Variants in SPAG16 observed in about 807,000 individuals in gnomAD.
The protein encoded by SPAG16 is sperm associated antigen 16.
In SPAG16, 86 loss-of-function variants were observed where a neutral mutation model predicts 80.4. That is an observed-to-expected ratio of 1.07 (90% CI 0.90 to 1.28). The LOEUF is 1.28. Ranked by LOEUF, SPAG16 falls within the 50% of genes most tolerant of loss-of-function variation. The pLI is 0.00. For synonymous variants in SPAG16, 294 were observed against 265.9 expected, an observed-to-expected ratio of 1.11 and a Z score of -1.03; for missense variants, 870 against 765.3, an observed-to-expected ratio of 1.14 and a Z score of -1.61.
In SPAG16 at chr2:213,284,675, C is replaced by T. The variant is rs756012747; in HGVS notation, c.136+56C>T. Reference sequence around the variant, plus strand: ...CGCTGGCGGGTAATGGGTGTTGGGACGAAGGCGAGGGCCTCCCACTGGCGG... The same window carrying T: ...CGCTGGCGGGTAATGGGTGTTGGGATGAAGGCGAGGGCCTCCCACTGGCGG... On this transcript the variant is annotated intron_variant, in intron 1 of 15. Coordinates refer to ENST00000331683, the MANE Select transcript of SPAG16 (RefSeq NM_024532.5). 2.6e-6 allele frequency: 4 copies of T among 1,554,792 alleles called. No homozygotes were observed. The South Asian group carries it at 4.7e-5, about 18-fold the overall frequency.
chr2:214,307,115 A>G, intron 15 of SPAG16, among the ~76,000 whole-genome samples: 1 of 152,014 alleles, frequency 6.6e-6, no homozygotes, highest in East Asian at 1.9e-4. Context: ...AGTCTCGGGA[A>G]GAGGTATATG....
rs116954749 is a variant in SPAG16, at chr2:213,357,553, G to A, written c.763-6523G>A. Among the ~76,000 whole-genome samples, 69 of 152,048 alleles carry A rather than the reference G, an allele frequency of 4.5e-4. No individual in the cohort carries two copies. The East Asian group carries it at 0.01, about 23-fold the overall frequency. On this transcript the variant is annotated intron_variant, in intron 7 of 15. Transcript: ENST00000331683. Reference sequence around the variant, plus strand: ...TTTGATATTTGTTGGTTTTAAAGTCGTTTTATCAGAGACTAGGATTGCAAC... The same window carrying A: ...TTTGATATTTGTTGGTTTTAAAGTCATTTTATCAGAGACTAGGATTGCAAC...
At chr2:213,408,605 A>G (rs541876527) in intron 9 of SPAG16, among the ~76,000 whole-genome samples, 1 of 152,224 alleles carries the variant, frequency 6.6e-6, no homozygotes, top group East Asian at 1.9e-4. Context: ...TACCGTACAA[A>G]GGTCCGACCA....
At position 213,701,961 on chromosome 2, in the gene SPAG16, G is replaced by A. The variant is rs192516062; in HGVS notation, c.1071-160524G>A. On this transcript the variant is annotated intron_variant, in intron 10 of 15. Coordinates refer to ENST00000331683, the MANE Select transcript of SPAG16 (RefSeq NM_024532.5). ...TCTAGTGGGGACTTGGAGAACTTTT[G>A]TGTCTAGCTAAAGGATTATAAATGC... 3.4e-3 allele frequency among the ~76,000 whole-genome samples: 515 copies of A among 151,812 alleles called. 3 individuals carry two copies. Among genetic ancestry groups the A allele is most frequent in the Non-Finnish European group, 5.5e-3 (375 of 67,940 alleles).
At chr2:213,673,482 C>T (rs1216091021) in intron 10 of SPAG16, among the ~76,000 whole-genome samples, 1 of 152,096 alleles carries the variant, frequency 6.6e-6, no homozygotes, top group Admixed American at 6.6e-5. Context: ...AGACTAGAAG[C>T]AATCATGGCA....
At chr2:213,832,910 G>T (rs2073756734) in intron 10 of SPAG16, among the ~76,000 whole-genome samples, 1 of 151,976 alleles carries the variant, frequency 6.6e-6, no homozygotes, top group African/African-American at 2.4e-5. Context: ...GCGAGGAAAG[G>T]TATCAAACCA....
chr2:213,786,478 T>C (rs1260587538), intron 10 of SPAG16, among the ~76,000 whole-genome samples: 1 of 152,212 alleles, frequency 6.6e-6, no homozygotes. Flanking sequence ...ATACAGAAAC[T>C]GTGAGGTTAA....
intron 10 of SPAG16, among the ~76,000 whole-genome samples, chr2:213,824,273 A>G (rs2073132412): frequency 1.3e-5 from 2 of 152,110 alleles, no homozygotes; most frequent in Admixed American, 1.3e-4. Context: ...CTACAAGGCT[A>G]TGGTACTGGT....
At chr2:213,728,188 T>A (rs545335108) in intron 10 of SPAG16, among the ~76,000 whole-genome samples, 4 of 152,254 alleles carry the variant, frequency 2.6e-5, no homozygotes, top group African/African-American at 9.6e-5. Flanking sequence ...AATGCAATAA[T>A]CATTTTTTCT....
intron 5 of SPAG16, among the ~76,000 whole-genome samples, chr2:213,320,049 T>C (rs912196751): frequency 1.3e-5 from 2 of 152,020 alleles, no homozygotes; most frequent in Non-Finnish European, 2.9e-5. Flanking sequence ...GGAAGCTGCT[T>C]GATCCTTAGT....
intron 10 of SPAG16, among the ~76,000 whole-genome samples, chr2:213,733,520 G>A (rs1232871708): frequency 1.1e-5 from 1 of 93,378 alleles, no homozygotes; most frequent in Admixed American, 1.1e-4. Context: ...TTTTTTTTTT[G>A]GTGTGTGTCT....
At chr2:214,042,386 G>T (rs889763184) in intron 13 of SPAG16, among the ~76,000 whole-genome samples, 1 of 151,646 alleles carries the variant, frequency 6.6e-6, no homozygotes, top group Non-Finnish European at 1.5e-5. Flanking sequence ...AGTTACTTTT[G>T]CCCCAACCCC....
intron 12 of SPAG16, among the ~76,000 whole-genome samples, chr2:213,969,515 C>T (rs115729526): frequency 0.012 from 1,817 of 152,164 alleles, 19 homozygotes; most frequent in Non-Finnish European, 0.02. Context: ...CCTTTATAAA[C>T]GAAGCTTCAC....
chr2:214,352,869 T>C, intron 15 of SPAG16, among the ~76,000 whole-genome samples: 1 of 152,126 alleles, frequency 6.6e-6, no homozygotes, highest in East Asian at 1.9e-4. Context: ...GAACTTGCTT[T>C]CAATTATTTT....
chr2:213,474,204 C>A (rs1204075605), intron 9 of SPAG16, among the ~76,000 whole-genome samples: 1 of 152,320 alleles, frequency 6.6e-6, no homozygotes, highest in African/African-American at 2.4e-5. Flanking sequence ...CCATTCTTTT[C>A]CAATCAATGC....
chr2:214,188,981 C>G (rs553990989), intron 15 of SPAG16, among the ~76,000 whole-genome samples: 59 of 152,208 alleles, frequency 3.9e-4, no homozygotes, highest in African/African-American at 1.4e-3. Context: ...ATAGCAACAT[C>G]TCTTGTCCAG....
chr2:214,049,152 C>A (rs182178904), intron 13 of SPAG16, among the ~76,000 whole-genome samples: 75 of 152,262 alleles, frequency 4.9e-4, no homozygotes, highest in African/African-American at 1.7e-3. Flanking sequence ...CCAGGCTGAT[C>A]TCAAAGAGTT....
intron 15 of SPAG16, among the ~76,000 whole-genome samples, chr2:214,392,128 A>G (rs1701115191): frequency 6.6e-6 from 1 of 152,122 alleles, no homozygotes; most frequent in Admixed American, 6.5e-5. Context: ...AGGGTCACAC[A>G]TTAAAAATGT....
intron 10 of SPAG16, among the ~76,000 whole-genome samples, chr2:213,651,419 A>G (rs564234127): frequency 2.1e-4 from 32 of 152,312 alleles, no homozygotes; most frequent in Middle Eastern, 3.4e-3. Flanking sequence ...GGGGTTCCCT[A>G]CAGGAGAAAC....
Sources: allele counts gnomAD v4.1 joint callset (sites outside exome capture counted in the v4.1 genomes callset), GRCh38; gene constraint gnomAD v4.1.1; transcripts MANE v1.5; gene names NCBI Gene and HGNC (gene_info 2026-07-23, HGNC 2026-07-21).